Variants in ZDHHC21 observed in about 807,000 individuals in gnomAD.
The protein encoded by ZDHHC21 is palmitoyltransferase ZDHHC21.
In ZDHHC21, 15 loss-of-function variants were observed where a neutral mutation model predicts 34.6. That is an observed-to-expected ratio of 0.43 (90% confidence interval 0.29 to 0.67). ZDHHC21 has a LOEUF of 0.67. ZDHHC21 is among the 30% of genes least tolerant of loss of function. The pLI is 0.14. For synonymous variants in ZDHHC21, 142 were observed against 101.8 expected (o/e 1.40, Z -2.38); for missense variants, 344 against 327.7 (o/e 1.05, Z -0.38).
rs770958832 is a variant in ZDHHC21, at chr9:14,618,967, T to C, written c.797A>G (p.Ter266=). The change falls in exon 10 of 10, where the codon TAA becomes TGA. Residue 266 remains the stop codon, a stop_retained_variant. Coordinates refer to ENST00000380916, the MANE Select transcript of ZDHHC21 (RefSeq NM_178566.6). ...RVPYHFANHV[*] ...CATCTGTGCCCACCATCCATCTGTT[T>C]AGACATGATTGGCAAAGTGGTAGGG... 1.9e-6 allele frequency: 3 copies of C among 1,607,276 alleles called. No individual in the cohort carries two copies. Among genetic ancestry groups the C allele is most frequent in the Middle Eastern group, 1.7e-4 (1 of 6,034 alleles).
At chr9:14,658,695 T>A in intron 7 of ZDHHC21, 54 bp downstream of exon 7, 4 of 1,468,398 alleles carry the variant, frequency 2.7e-6, no homozygotes, top group African/African-American at 1.4e-5. Context: ...ATGGTCTCGA[T>A]CTCCTGACCT....
In ZDHHC21 at chr9:14,674,756, T is replaced by C. The variant is rs116577368; in HGVS notation, c.-45-371A>G. On this transcript the variant is annotated intron_variant, in intron 3 of 9. Coordinates refer to ENST00000380916, the MANE Select transcript of ZDHHC21 (RefSeq NM_178566.6). ...TGAATACACGTGTCCACCAAAAGAT[T>C]ATGTACAAAAATTTTTAGTAGCTTT... Among the ~76,000 whole-genome samples, 779 of 152,048 alleles carry C rather than the reference T, an allele frequency of 5.1e-3. 8 individuals carry two copies. The highest frequency in any genetic ancestry group is 0.018 in the African/African-American group (730 of 41,518).
At chr9:14,689,423 G>C (rs534896261) in intron 2 of ZDHHC21, among the ~76,000 whole-genome samples, 1 of 152,226 alleles carries the variant, frequency 6.6e-6, no homozygotes, top group African/African-American at 2.4e-5. Flanking sequence ...TTGTAAAAAC[G>C]TGGGTGGACA....
At chr9:14,653,259 G>T (rs762981946) in intron 7 of ZDHHC21, among the ~76,000 whole-genome samples, 2 of 151,756 alleles carry the variant, frequency 1.3e-5, no homozygotes, top group Non-Finnish European at 2.9e-5. Context: ...AAAAATGAAA[G>T]AAACACAGGA....
intron 8 of ZDHHC21, among the ~76,000 whole-genome samples, chr9:14,624,664 T>C (rs973789777): frequency 6.6e-6 from 1 of 151,518 alleles, no homozygotes; most frequent in African/African-American, 2.4e-5. Context: ...AAGTGAAGGA[T>C]GGGGAAGAGG....
chr9:14,649,565 A>G (rs1264610837), intron 7 of ZDHHC21, among the ~76,000 whole-genome samples: 1 of 152,108 alleles, frequency 6.6e-6, no homozygotes, highest in Non-Finnish European at 1.5e-5. Flanking sequence ...TCCCAACCCA[A>G]CGCTCAGGTA....
chr9:14,675,865 TA>T (rs1836282399), intron 3 of ZDHHC21, among the ~76,000 whole-genome samples: 1 of 151,936 alleles, frequency 6.6e-6, no homozygotes, highest in African/African-American at 2.4e-5. Context: ...AAAAGTTATC[TA>T]AGCAATGAAA....
chr9:14,682,951 G>T (rs919643334), intron 2 of ZDHHC21, among the ~76,000 whole-genome samples: 3 of 152,126 alleles, frequency 2.0e-5, no homozygotes, highest in African/African-American at 7.2e-5. Flanking sequence ...GGTACATAAC[G>T]AAATGAAGGC....
chr9:14,659,037 A>G, intron 6 of ZDHHC21, 150 bp from the exon 7 acceptor site: 1 of 692,378 alleles, frequency 1.4e-6, no homozygotes, highest in Non-Finnish European at 2.4e-6. Flanking sequence ...AACAAACTAT[A>G]CAGAGAAAAC....
chr9:14,621,105 G>A (rs138049525), intron 8 of ZDHHC21, among the ~76,000 whole-genome samples: 369 of 152,070 alleles, frequency 2.4e-3, no homozygotes, highest in Non-Finnish European at 4.3e-3. Flanking sequence ...AGTTTTGATA[G>A]TAACACATTG....
intron 3 of ZDHHC21, chr9:14,677,519 C>G (rs1252881317): frequency 5.9e-5 from 9 of 151,978 alleles, no homozygotes; most frequent in African/African-American, 2.2e-4. Flanking sequence ...AATGCTGTTA[C>G]TCGGTCTTAA....
chr9:14,662,399 G>A (rs1176315499), intron 5 of ZDHHC21, 73 bp from the exon 6 acceptor site: 4 of 1,165,618 alleles, frequency 3.4e-6, no homozygotes, highest in Non-Finnish European at 4.8e-6. Flanking sequence ...CAGTTGTTTA[G>A]AAGATTTTAT....
chr9:14,634,441 G>A (rs551255986), intron 8 of ZDHHC21, among the ~76,000 whole-genome samples: 14 of 152,142 alleles, frequency 9.2e-5, no homozygotes, highest in Non-Finnish European at 1.3e-4. Context: ...ATGCCACCCT[G>A]GTGCCCACGG....
chr9:14,636,912 G>C (rs1437403405), intron 8 of ZDHHC21, among the ~76,000 whole-genome samples: 1 of 152,038 alleles, frequency 6.6e-6, no homozygotes, highest in Non-Finnish European at 1.5e-5. Flanking sequence ...GCAGTGCTAG[G>C]AGGGAAGTTT....
chr9:14,672,885 C>A lies in ZDHHC21; in HGVS notation c.198G>T (p.Arg66Ser). ...GTCTTCCTGGATCAGTTATGGAGGC[C>A]CTCACTAAGGCAACCAGACAGAATA... is the stretch of plus-strand genomic sequence containing the variant. Reference protein sequence around the residue: ...ISIFCLVALVRASITDPGRLP... With the variant: ...ISIFCLVALVSASITDPGRLP... Residue 66 changes from arginine (R) to serine (S), a missense_variant, in exon 5 of 10, where the codon AGG becomes AGT. Physicochemically the swap from Arg to Ser is moderately radical, Grantham distance 110 (BLOSUM62 -1). Transcript: ENST00000380916. The A allele has an allele frequency of 6.2e-7, 1 of 1,607,584 alleles. No homozygotes were observed. The highest frequency in any genetic ancestry group is 1.1e-5 in the South Asian group (1 of 90,044).
At chr9:14,663,606 G>C (rs1337085716) in intron 5 of ZDHHC21, among the ~76,000 whole-genome samples, 1 of 149,140 alleles carries the variant, frequency 6.7e-6, no homozygotes, top group Non-Finnish European at 1.5e-5. Context: ...ATGGTCAGGA[G>C]CAACATCAAC....
At chr9:14,684,093 T>C (rs555662893) in intron 2 of ZDHHC21, among the ~76,000 whole-genome samples, 28 of 152,108 alleles carry the variant, frequency 1.8e-4, no homozygotes, top group South Asian at 1.0e-3. Context: ...ACAGCCAATA[T>C]CATACTGAAT....
chr9:14,642,016 C>G (rs1829466164), intron 7 of ZDHHC21, among the ~76,000 whole-genome samples: 1 of 152,034 alleles, frequency 6.6e-6, no homozygotes, highest in Non-Finnish European at 1.5e-5. Context: ...TAAAATCCAT[C>G]CACTCTACTC....
At chr9:14,609,998 G>A (rs1288183021), downstream of ZDHHC21, among the ~76,000 whole-genome samples, 1 of 152,008 alleles carries the variant, frequency 6.6e-6, no homozygotes, top group Non-Finnish European at 1.5e-5. Context: ...GCAGACATGA[G>A]AGCTTTGCAG....
Sources: gnomAD v4.1 joint callset for allele counts (sites outside exome capture counted in the v4.1 genomes callset) on GRCh38, gnomAD v4.1.1 for gene constraint, MANE v1.5 for transcripts, NCBI Gene and HGNC (gene_info 2026-07-23, HGNC 2026-07-21) for gene names.